NTRK3: variants seen among roughly 807,000 people sequenced by gnomAD.
NTRK3 encodes NT-3 growth factor receptor.
NTRK3 carries 24 observed loss-of-function variants against 91.7 expected under a neutral mutation model. The ratio of observed to expected loss-of-function variants is 0.26; its 90% CI spans 0.19 to 0.37. The LOEUF (loss-of-function observed/expected upper bound fraction) is 0.37. Among genes scored for constraint, NTRK3 ranks in the 10% least tolerant of loss-of-function variants. The pLI, the probability that NTRK3 is intolerant of heterozygous loss-of-function variation, is 1.00. For synonymous variants in NTRK3, 483 were observed against 404.0 expected (o/e 1.20, Z -2.34); for missense variants, 880 against 1,068.9 (o/e 0.82, Z 2.46).
chr15:88,135,160 T>C, exon 10 of NTRK3: 4 of 1,614,150 alleles, frequency 2.5e-6, no homozygotes, highest in Non-Finnish European at 3.4e-6. Flanking sequence ...GCCCAGTGGG[T>C]TTTTGGCAAT....
intron 14 of NTRK3, among the ~76,000 whole-genome samples, chr15:87,969,379 T>C (rs111269506): frequency 2.9e-4 from 44 of 152,244 alleles, no homozygotes; most frequent in African/African-American, 8.7e-4. Flanking sequence ...GTCCCCCAAC[T>C]CATATATTGA....
intron 6 of NTRK3, among the ~76,000 whole-genome samples, chr15:88,137,986 G>T (rs989417071): frequency 6.6e-6 from 1 of 152,004 alleles, no homozygotes; most frequent in African/African-American, 2.4e-5. Context: ...AGGAGATGGA[G>T]GTTGCAGTGA....
At chr15:87,889,139 G>T (rs2141551076) in intron 17 of NTRK3, among the ~76,000 whole-genome samples, 1 of 152,256 alleles carries the variant, frequency 6.6e-6, no homozygotes, top group East Asian at 1.9e-4. Context: ...CTACCTTCTA[G>T]CTGTGGATCC....
rs2051866082 is a variant in NTRK3 at position 88,237,179 on chromosome 15, G to A, written c.248+18727C>T. Among the ~76,000 whole-genome samples the A allele has an allele frequency of 6.6e-6, 1 of 152,150 alleles. No homozygotes were observed. Among genetic ancestry groups the A allele is most frequent in the Non-Finnish European group, 1.5e-5 (1 of 68,034 alleles). The stretch of plus-strand genomic sequence containing the variant: ...GGCTGGACAGATGGATAGAGGATGT[G>A]ATAAAGAAGTAGAGTGCCATATTAA... On this transcript the variant is annotated intron_variant, in intron 3 of 18. Coordinates refer to ENST00000394480, the Ensembl canonical transcript of NTRK3. This position sits in a 1 kb window ranked among gnomAD's most constrained non-coding sequence, Gnocchi z 4.0.
intron 17 of NTRK3, among the ~76,000 whole-genome samples, chr15:87,889,173 T>A (rs373043854): frequency 3.3e-4 from 51 of 152,252 alleles, no homozygotes; most frequent in African/African-American, 1.2e-3. Context: ...TTTTCCTACT[T>A]AAGCCTGTTT....
intron 13 of NTRK3, among the ~76,000 whole-genome samples, chr15:88,052,234 A>T (rs906581132): frequency 1.8e-3 from 272 of 152,340 alleles, no homozygotes; most frequent in African/African-American, 6.4e-3. Flanking sequence ...CCTGCACTCA[A>T]CACAGGGATC....
chr15:87,872,075 TTCTC>T (rs905654411), exon 19 of NTRK3: 26 of 221,824 alleles, frequency 1.2e-4, no homozygotes, highest in African/African-American at 5.6e-4. Flanking sequence ...CCATTTTTTT[TTCTC>T]TCTAAGGCAA....
At chr15:87,868,357 T>C (rs2064743667) in exon 19 of NTRK3, 1 of 226,396 alleles carries the variant, frequency 4.4e-6, no homozygotes, top group Non-Finnish European at 8.8e-6. Context: ...TCTTTCCAAT[T>C]CATAAACACA....
chr15:88,069,116 A>C (rs551929984), intron 13 of NTRK3, among the ~76,000 whole-genome samples: 1 of 152,340 alleles, frequency 6.6e-6, no homozygotes, highest in Non-Finnish European at 1.5e-5. Context: ...TTGCAGCCTC[A>C]GATCTTGAAA....
chr15:88,001,327 A>C (rs2141624875), intron 14 of NTRK3, among the ~76,000 whole-genome samples: 1 of 152,218 alleles, frequency 6.6e-6, no homozygotes, highest in South Asian at 2.1e-4. Flanking sequence ...GAAGCAAAAA[A>C]GTTTTCAATT....
intron 13 of NTRK3, among the ~76,000 whole-genome samples, chr15:88,116,667 G>A (rs1437941625): frequency 6.6e-6 from 1 of 152,162 alleles, no homozygotes; most frequent in Non-Finnish European, 1.5e-5. Flanking sequence ...TGTAACAAAT[G>A]TTGACTCGCA....
At chr15:88,043,872 T>A (rs1316710596) in intron 13 of NTRK3, among the ~76,000 whole-genome samples, 1 of 152,120 alleles carries the variant, frequency 6.6e-6, no homozygotes, top group Non-Finnish European at 1.5e-5. Context: ...CCTAACTAGA[T>A]ATGTCACCCA....
intron 13 of NTRK3, among the ~76,000 whole-genome samples, 157 bp from the exon 14 acceptor site, chr15:88,033,202 A>G (rs1238338558): frequency 6.6e-5 from 8 of 120,548 alleles, no homozygotes; most frequent in Non-Finnish European, 1.4e-4. Flanking sequence ...ATATATATAT[A>G]TATATATATA....
intron 5 of NTRK3, among the ~76,000 whole-genome samples, chr15:88,165,179 G>A (rs2044818206): frequency 6.6e-6 from 1 of 152,152 alleles, no homozygotes; most frequent in Non-Finnish European, 1.5e-5. Flanking sequence ...GCATGGGCCT[G>A]GCCAAAGGCT....
At chr15:88,147,373 G>T in exon 6 of NTRK3, 2 of 1,613,882 alleles carry the variant, frequency 1.2e-6, no homozygotes, top group Non-Finnish European at 1.7e-6. Context: ...GCTGCCACGA[G>T]AGTGTGGTGA....
chr15:88,025,945 A>G (rs1416674285), intron 14 of NTRK3, among the ~76,000 whole-genome samples: 1 of 152,092 alleles, frequency 6.6e-6, no homozygotes, highest in Non-Finnish European at 1.5e-5. Context: ...GGGACAAGAA[A>G]GACTTTGTCT....
At chr15:87,929,161 TG>T in intron 17 of NTRK3, 29 bp downstream of exon 17, 1 of 1,614,142 alleles carries the variant, frequency 6.2e-7, no homozygotes, top group East Asian at 2.2e-5. Context: ...GCTCTGTGGC[TG>T]AGTCCTGCAG....
intron 17 of NTRK3, among the ~76,000 whole-genome samples, chr15:87,906,465 C>T (rs752815217): frequency 4.6e-5 from 7 of 152,092 alleles, no homozygotes; most frequent in Non-Finnish European, 1.0e-4. Context: ...TTTCTGATGC[C>T]GTCTCAGTGG....
In NTRK3 at chr15:88,128,661, G is replaced by A. The variant is rs370088833; in HGVS notation, c.1228+50C>T. 67 of 1,586,770 alleles carry A rather than the reference G, an allele frequency of 4.2e-5. No individual in the cohort carries two copies. The African/African-American group carries it at 5.2e-4, about 12-fold the overall frequency. On this transcript the variant is annotated intron_variant, in intron 11 of 18. Transcript: ENST00000394480. The stretch of plus-strand genomic sequence containing the variant: ...GGGCTATTTGAATTCAATAGTTACC[G>A]ATAGTATCAGAATAAATCAGTTTCA...
Sources: gnomAD v4.1 joint callset for allele counts (sites outside exome capture counted in the v4.1 genomes callset) on GRCh38, gnomAD v4.1.1 for gene constraint, Gnocchi (gnomAD v3.1) non-coding constraint, MANE v1.5 for transcripts, NCBI Gene and HGNC (gene_info 2026-07-23, HGNC 2026-07-21) for gene names.